TACC2: variants seen among roughly 807,000 people sequenced by gnomAD.
The protein encoded by TACC2 is transforming acidic coiled-coil-containing protein 2.
A neutral mutation model predicts 227.3 loss-of-function variants in TACC2; 137 were observed. That is an observed-to-expected ratio of 0.60 (90% confidence interval 0.52 to 0.69). TACC2 has a LOEUF of 0.69. TACC2 is among the 30% of genes least tolerant of loss of function. The probability of loss-of-function intolerance (pLI) is 0.00; values close to 1 mark genes in which losing one functional copy is unlikely to be tolerated. For missense variants in TACC2, 3,470 were observed against 3,694.4 expected, an observed-to-expected ratio of 0.94 and a Z score of 1.57; for synonymous variants, 1,523 against 1,487.5, an observed-to-expected ratio of 1.02 and a Z score of -0.55.
intron 8 of TACC2, among the ~76,000 whole-genome samples, chr10:122,201,028 C>G (rs12776723): frequency 1.4e-5 from 2 of 139,816 alleles, no homozygotes; most frequent in Non-Finnish European, 1.5e-5. Flanking sequence ...AGTGAGAGGA[C>G]GGCCACCTCA....
rs2080385861 is a variant in TACC2, at chr10:122,088,845, GTGCGGTGGCTCA to G, written c.5573+258_5573+269del. Reference sequence around the variant, plus strand: ...CCTTAAATTTAAAAAGTCAGTCTGGGTGCGGTGGCTCATGCCTGTAATCCCAACACTTTGGGA... The same window carrying G: ...CCTTAAATTTAAAAAGTCAGTCTGGGTGCCTGTAATCCCAACACTTTGGGA... On this transcript the variant is annotated intron_variant, in intron 5 of 22. Transcript: ENST00000369005. 6 of 1,211,230 alleles carry G rather than the reference GTGCGGTGGCTCA, an allele frequency of 5.0e-6. No homozygotes were observed. In the East Asian group the frequency reaches 1.5e-4, roughly 31 times the overall value. 75.0% of individuals were successfully genotyped at this position (1,211,230 alleles called of 1,614,324 possible).
chr10:122,044,946 T>G (rs2074799184), intron 2 of TACC2, among the ~76,000 whole-genome samples: 1 of 152,102 alleles, frequency 6.6e-6, no homozygotes, highest in Admixed American at 6.6e-5. Flanking sequence ...AAAGGGTAAC[T>G]TTAGAAATGC....
intron 1 of TACC2, 38 bp from the exon 2 acceptor site, chr10:122,021,899 T>A: frequency 7.6e-7 from 1 of 1,314,140 alleles, no homozygotes; most frequent in Admixed American, 1.8e-5. Flanking sequence ...AGATCTTTTT[T>A]CATTTCACAG....
At chr10:122,248,924 G>A in intron 20 of TACC2, 121 bp downstream of exon 20, 2 of 1,507,718 alleles carry the variant, frequency 1.3e-6, no homozygotes, top group Admixed American at 1.8e-5. Flanking sequence ...GGGGGTCCAT[G>A]CAGGCTGGGG....
intron 13 of TACC2, among the ~76,000 whole-genome samples, chr10:122,227,581 A>G (rs1301633304): frequency 2.6e-5 from 4 of 152,174 alleles, no homozygotes; most frequent in Admixed American, 6.5e-5. Context: ...AGAGTCCACA[A>G]CCAAGCAGCG....
At chr10:122,199,208 C>G (rs2140704031) in intron 8 of TACC2, among the ~76,000 whole-genome samples, 1 of 152,328 alleles carries the variant, frequency 6.6e-6, no homozygotes, top group South Asian at 2.1e-4. Context: ...ACCTGGGGGC[C>G]CGAGCCATTG....
At chr10:122,176,591 T>C (rs1162702369) in intron 7 of TACC2, among the ~76,000 whole-genome samples, 1 of 151,592 alleles carries the variant, frequency 6.6e-6, no homozygotes, top group African/African-American at 2.4e-5. Context: ...GATTTTTTTT[T>C]CTCTGTAGAA....
intron 3 of TACC2, among the ~76,000 whole-genome samples, chr10:122,081,342 A>AC (rs1467197811): frequency 2.8e-5 from 4 of 141,884 alleles, no homozygotes; most frequent in Admixed American, 7.4e-5. Flanking sequence ...ACATGGTGAG[A>AC]CCCCATCTCT....
At chr10:122,192,370 G>A (rs2094438333) in intron 7 of TACC2, 4 of 276,046 alleles carry the variant, frequency 1.4e-5, no homozygotes, top group African/African-American at 8.7e-5. Flanking sequence ...GAACCGAGGG[G>A]CATCCGGCCC....
intron 5 of TACC2, among the ~76,000 whole-genome samples, chr10:122,094,460 G>A (rs1445649177): frequency 6.6e-6 from 1 of 152,074 alleles, no homozygotes; most frequent in Non-Finnish European, 1.5e-5. Flanking sequence ...CAACTTTTTT[G>A]TAGAGATGGC....
rs1011713443 is a variant in TACC2, at chr10:122,143,064, C to T, written c.5700-508C>T. On this transcript the variant is annotated intron_variant, in intron 6 of 22. Transcript: ENST00000369005. ...TGAAACTCATTCCTCCCCCAGGACA[C>T]GGGTGGCCCAACTGGTCCCGGGGCA... 9.2e-5 allele frequency among the ~76,000 whole-genome samples: 14 copies of T among 152,308 alleles called. 1 individual carries two copies. In the South Asian group the frequency reaches 1.7e-3, roughly 18 times the overall value.
intron 5 of TACC2, among the ~76,000 whole-genome samples, chr10:122,131,964 A>G (rs1468775541): frequency 2.0e-5 from 3 of 152,012 alleles, no homozygotes; most frequent in Admixed American, 6.6e-5. Context: ...GGCGGTTGCA[A>G]TGAGCCGAGA....
chr10:122,020,510 G>A (rs757379334), intron 1 of TACC2, among the ~76,000 whole-genome samples: 17 of 152,296 alleles, frequency 1.1e-4, no homozygotes, highest in Middle Eastern at 3.4e-3. Context: ...GGTTCAGTAC[G>A]CATAGTGCAG....
At chr10:122,031,085 T>C (rs1257902212) in intron 2 of TACC2, among the ~76,000 whole-genome samples, 1 of 152,138 alleles carries the variant, frequency 6.6e-6, no homozygotes, top group African/African-American at 2.4e-5. Context: ...GGCCTGGCCA[T>C]TTAGCCTTCC....
chr10:122,025,403 C>A (rs897559967), intron 2 of TACC2, among the ~76,000 whole-genome samples: 5 of 150,290 alleles, frequency 3.3e-5, no homozygotes, highest in Non-Finnish European at 7.4e-5. Flanking sequence ...TGGGATTACA[C>A]GCGCATGCCA....
intron 1 of TACC2, among the ~76,000 whole-genome samples, chr10:121,999,083 A>T (rs1370193927): frequency 1.3e-5 from 2 of 148,410 alleles, no homozygotes; most frequent in Admixed American, 1.4e-4. Flanking sequence ...ATCTCGGCTC[A>T]CTGCAAGCTC....
chr10:122,138,523 A>T (rs895835632), intron 6 of TACC2, among the ~76,000 whole-genome samples: 1 of 152,242 alleles, frequency 6.6e-6, no homozygotes, highest in Non-Finnish European at 1.5e-5. Flanking sequence ...AAAATAAACA[A>T]ACAAACAAAG....
intron 14 of TACC2, among the ~76,000 whole-genome samples, chr10:122,229,096 G>A (rs943035534): frequency 9.2e-5 from 14 of 152,026 alleles, no homozygotes; most frequent in Non-Finnish European, 1.8e-4. Flanking sequence ...TGAGGGTGGC[G>A]TGGGGGTGGG....
chr10:122,216,021 TAAAAC>T (rs1189277120), intron 10 of TACC2, among the ~76,000 whole-genome samples: 4 of 152,136 alleles, frequency 2.6e-5, no homozygotes, highest in East Asian at 3.9e-4. Context: ...TTCTGGGTCA[TAAAAC>T]AAAACAGACC....
Sources: allele counts gnomAD v4.1 joint callset (sites outside exome capture counted in the v4.1 genomes callset), GRCh38; gene constraint gnomAD v4.1.1; transcripts MANE v1.5; gene names NCBI Gene and HGNC (gene_info 2026-07-23, HGNC 2026-07-21).